Variants in DNAI4 observed in about 807,000 individuals in gnomAD.
The protein encoded by DNAI4 is dynein axonemal intermediate chain 4.
DNAI4 carries 85 observed loss-of-function variants against 105.8 expected under a neutral mutation model. The ratio of observed to expected loss-of-function variants is 0.80; its 90% confidence interval spans 0.67 to 0.96. The LOEUF (loss-of-function observed/expected upper bound fraction) is 0.96, where lower values mean the gene tolerates loss of function less well. Among genes scored for constraint, DNAI4 ranks in the 40% least tolerant of loss-of-function variants. The pLI, the probability that DNAI4 is intolerant of heterozygous loss-of-function variation, is 0.00. For synonymous variants in DNAI4, 352 were observed against 331.5 expected (o/e 1.06, Z -0.67); for missense variants, 1,014 against 1,005.6 (o/e 1.01, Z -0.11).
chr1:66,869,822 T>C (rs1384687912), intron 6 of DNAI4, among the ~76,000 whole-genome samples: 1 of 152,204 alleles, frequency 6.6e-6, no homozygotes, highest in African/African-American at 2.4e-5. Flanking sequence ...TTTGTATTCC[T>C]TTCTGCCAGC....
At chr1:66,917,633 A>G (rs1650165265) in intron 1 of DNAI4, among the ~76,000 whole-genome samples, 1 of 152,178 alleles carries the variant, frequency 6.6e-6, no homozygotes, top group African/African-American at 2.4e-5. Flanking sequence ...TTTTCTTTTG[A>G]GCTATTGACA....
intron 16 of DNAI4, among the ~76,000 whole-genome samples, chr1:66,817,600 T>C (rs1016835955): frequency 3.3e-5 from 5 of 150,070 alleles, no homozygotes; most frequent in African/African-American, 1.2e-4. Flanking sequence ...AAAAAACGGA[T>C]AGAATCTCAT....
chr1:66,857,279 T>A (rs1396239819), intron 7 of DNAI4, among the ~76,000 whole-genome samples: 2 of 130,620 alleles, frequency 1.5e-5, no homozygotes, highest in African/African-American at 3.0e-5. Context: ...AGGTGGGAAC[T>A]GAACAATGAA....
chr1:66,920,322 A>G (rs188988942), intron 1 of DNAI4, among the ~76,000 whole-genome samples: 2 of 152,188 alleles, frequency 1.3e-5, no homozygotes, highest in East Asian at 3.9e-4. Context: ...ACTTTCACAC[A>G]ATAAAATCCC....
At position 66,862,296 on chromosome 1, in the gene DNAI4, A is replaced by C. The variant is rs200408809; in HGVS notation, c.947T>G (p.Met316Arg). The change falls in exon 7 of 17, where the codon ATG becomes AGG. Residue 316 changes from methionine (M) to arginine (R), a missense_variant. Coordinates refer to ENST00000371026, the MANE Select transcript of DNAI4 (RefSeq NM_024763.5). ...DKIIMEDKGI[M>R]STAWDLYDSY... ...ATCATACAAATCCCAGGCAGTGGAC[A>C]TTATGCCTAGATAAAGACACAGAAA... The C allele has an allele frequency of 1.2e-6, 2 of 1,605,996 alleles. No individual in the cohort carries two copies. The highest frequency in any genetic ancestry group is 3.5e-5 in the Admixed American group (2 of 57,820).
intron 6 of DNAI4, among the ~76,000 whole-genome samples, chr1:66,864,512 T>C (rs1008352669): frequency 1.3e-5 from 2 of 152,130 alleles, no homozygotes; most frequent in African/African-American, 2.4e-5. Flanking sequence ...AGAGGTGATA[T>C]GGGCAGTTCA....
chr1:66,860,051 G>A lies in DNAI4; in HGVS notation c.1096+2096C>T, dbSNP rs569586735. On this transcript the variant is annotated intron_variant, in intron 7 of 16. Coordinates refer to ENST00000371026, the MANE Select transcript of DNAI4 (RefSeq NM_024763.5). The stretch of plus-strand genomic sequence containing the variant: ...ATTAATGCAAAATATTAATAATAGG[G>A]GCCACTGTGCACAGAAAGTAGAGAG... Among the ~76,000 whole-genome samples, 3 of 151,004 alleles carry A rather than the reference G, an allele frequency of 2.0e-5. No individual in the cohort carries two copies. In the South Asian group the frequency reaches 6.3e-4, roughly 32 times the overall value.
Position 66,877,861 on chromosome 1 carries a change from T to C in DNAI4, c.644-2924A>G, listed in dbSNP as rs1040111949. ...GTGATTTTCTGATGTTAAACAAGTG[T>C]TATGGGTTTCTGGGAGGAAGACTAC... On this transcript the variant is annotated intron_variant, in intron 4 of 16. Coordinates refer to ENST00000371026, the MANE Select transcript of DNAI4 (RefSeq NM_024763.5). Among the ~76,000 whole-genome samples, 12 of 152,310 alleles carry C rather than the reference T, an allele frequency of 7.9e-5. 2 individuals are homozygous for C. Among genetic ancestry groups the C allele is most frequent in the Admixed American group, 1.3e-4 (2 of 15,300 alleles).
intron 7 of DNAI4, among the ~76,000 whole-genome samples, chr1:66,849,206 C>G (rs1646342622): frequency 6.6e-6 from 1 of 152,214 alleles, no homozygotes; most frequent in Admixed American, 6.5e-5. Flanking sequence ...ACAACCTCCA[C>G]TCTGTTGTGT....
intron 1 of DNAI4, among the ~76,000 whole-genome samples, chr1:66,921,082 A>G (rs566485393): frequency 6.6e-6 from 1 of 152,260 alleles, no homozygotes; most frequent in East Asian, 1.9e-4. Context: ...CTGTAAGACT[A>G]TGAATTTAAA....
At chr1:66,873,138 C>A (rs1008602283) in intron 5 of DNAI4, among the ~76,000 whole-genome samples, 5 of 151,930 alleles carry the variant, frequency 3.3e-5, no homozygotes, top group Non-Finnish European at 7.4e-5. Flanking sequence ...ATACCAAATT[C>A]AACCTGAGGG....
At chr1:66,873,406 C>T (rs555251222) in intron 5 of DNAI4, among the ~76,000 whole-genome samples, 25 of 152,044 alleles carry the variant, frequency 1.6e-4, no homozygotes, top group African/African-American at 5.5e-4. Flanking sequence ...CCACCAAGCC[C>T]GGCTAATCAA....
intron 4 of DNAI4, among the ~76,000 whole-genome samples, chr1:66,881,098 A>G (rs1032198604): frequency 6.6e-5 from 10 of 152,216 alleles, no homozygotes; most frequent in African/African-American, 2.4e-4. Flanking sequence ...ACCTCCCCCT[A>G]GATTTTAGAG....
chr1:66,871,083 T>A, intron 6 of DNAI4: 1 of 328,498 alleles, frequency 3.0e-6, no homozygotes, highest in Non-Finnish European at 5.5e-6. Flanking sequence ...ATATTCTTTG[T>A]GACATAGTAA....
At chr1:66,918,475 T>A (rs1409938065) in intron 1 of DNAI4, among the ~76,000 whole-genome samples, 2 of 152,206 alleles carry the variant, frequency 1.3e-5, no homozygotes, top group Admixed American at 1.3e-4. Flanking sequence ...CTTAAAGCCC[T>A]GTGAACTGAA....
chr1:66,850,216 A>C (rs1278044699), intron 7 of DNAI4, among the ~76,000 whole-genome samples: 4 of 151,962 alleles, frequency 2.6e-5, no homozygotes, highest in Non-Finnish European at 4.4e-5. Flanking sequence ...AAATACTTTG[A>C]ATAGCAGCAG....
chr1:66,909,282 C>T (rs896169294), intron 1 of DNAI4, among the ~76,000 whole-genome samples: 8 of 27,384 alleles, frequency 2.9e-4, no homozygotes, highest in Non-Finnish European at 5.5e-4. Flanking sequence ...TGCCACCTCT[C>T]TCTACACACA....
chr1:66,843,222 TG>T (rs1483624917), intron 8 of DNAI4, among the ~76,000 whole-genome samples: 9 of 21,906 alleles, frequency 4.1e-4, no homozygotes, highest in Non-Finnish European at 7.6e-4. Context: ...AGGTGGGGGG[TG>T]GGGGGGAGGA....
intron 4 of DNAI4, 67 bp downstream of exon 4, chr1:66,891,087 A>G: frequency 1.7e-6 from 2 of 1,206,884 alleles, no homozygotes; most frequent in South Asian, 1.2e-5. Flanking sequence ...TCAAGTATCC[A>G]ACCAATAATA....
Sources: allele counts gnomAD v4.1 joint callset (sites outside exome capture counted in the v4.1 genomes callset), GRCh38; gene constraint gnomAD v4.1.1; transcripts MANE v1.5; gene names NCBI Gene and HGNC (gene_info 2026-07-23, HGNC 2026-07-21).